Variants in RNF138 observed in about 807,000 individuals in gnomAD.
RNF138 encodes E3 ubiquitin-protein ligase RNF138.
In RNF138, 12 loss-of-function variants were observed where a neutral mutation model predicts 31.0. That is an observed-to-expected ratio of 0.39 (90% confidence interval 0.25 to 0.63). The LOEUF (loss-of-function observed/expected upper bound fraction) is 0.63. Among genes scored for constraint, RNF138 ranks in the 20% least tolerant of loss-of-function variants. RNF138 has a pLI of 0.52. For missense variants in RNF138, 192 were observed against 300.1 expected (o/e 0.64, Z 2.66); for synonymous variants, 105 against 99.5 (o/e 1.06, Z -0.33).
In RNF138 at chr18:32,092,748, G is replaced by A. The variant is rs1258028907; in HGVS notation, c.-29G>A. ...CGTCACCTCGGCCGCTGCCGCTGTC[G>A]CCATCGCCTTGTTTCCCCATCCCCC... On this transcript the variant is annotated 5_prime_UTR_variant, in exon 2 of 8. Transcript: ENST00000261593. The A allele has an allele frequency of 6.9e-7, 1 of 1,446,196 alleles. No individual in the cohort carries two copies. Among genetic ancestry groups the A allele is most frequent in the Non-Finnish European group, 9.4e-7 (1 of 1,060,002 alleles). The allele number at this position is 1,446,196 out of a possible 1,614,324, so 89.6% of individuals were successfully genotyped here.
At chr18:32,125,763 C>G (rs1324571843) in intron 6 of RNF138, among the ~76,000 whole-genome samples, 1 of 151,492 alleles carries the variant, frequency 6.6e-6, no homozygotes, top group East Asian at 2.0e-4. Context: ...GAGACCCTGT[C>G]TATTTAAAAA....
chr18:32,123,500 TC>T lies in RNF138; in HGVS notation c.393-14del. On this transcript the variant is annotated splice_polypyrimidine_tract_variant and intron_variant, in intron 4 of 7. Transcript: ENST00000261593. ...TCATTACTTTGAGGTATTAACTTTT[TC>T]CCCTGTGCTTCTTAAGCAATAGGAG... The T allele has an allele frequency of 6.5e-7, 1 of 1,534,948 alleles. No individual in the cohort carries two copies. Among genetic ancestry groups the T allele is most frequent in the African/African-American group, 1.4e-5 (1 of 71,110 alleles).
At chr18:32,100,797 G>A (rs2039923501) in intron 2 of RNF138, among the ~76,000 whole-genome samples, 1 of 152,126 alleles carries the variant, frequency 6.6e-6, no homozygotes, top group Non-Finnish European at 1.5e-5. Flanking sequence ...TATAGACTGG[G>A]TTTCACCATG....
At chr18:32,123,460 A>ACGTT in intron 4 of RNF138, 58 bp from the exon 5 acceptor site, 1 of 1,066,526 alleles carries the variant, frequency 9.4e-7, no homozygotes, top group Non-Finnish European at 1.4e-6. Context: ...AAGATAATGA[A>ACGTT]CCTTTAGTGT....
At chr18:32,101,958 C>T (rs1418990179) in intron 2 of RNF138, among the ~76,000 whole-genome samples, 1 of 151,672 alleles carries the variant, frequency 6.6e-6, no homozygotes, top group Non-Finnish European at 1.5e-5. Context: ...CTTACTGCAG[C>T]CTCAACCTCC....
chr18:32,130,990 AATAT>A lies in RNF138; in HGVS notation c.*1804_*1807del, dbSNP rs1360340670. 4.4e-5 allele frequency: 4 copies of A among 90,930 alleles called. No homozygotes were observed. The highest frequency in any genetic ancestry group is 1.7e-4 in the African/African-American group (4 of 24,124). 5.6% of individuals were successfully genotyped at this position (90,930 alleles called of 1,614,324 possible). ...GTTTCTTTCAAAGTTTAATACATCC[AATAT>A]GTCAAGTTAAACCATTCTGGGATTT... On this transcript the variant is annotated 3_prime_UTR_variant, in exon 8 of 8. Coordinates refer to ENST00000261593, the MANE Select transcript of RNF138 (RefSeq NM_016271.5).
chr18:32,114,124 A>G (rs747949981), intron 4 of RNF138, among the ~76,000 whole-genome samples: 9 of 152,146 alleles, frequency 5.9e-5, no homozygotes, highest in Non-Finnish European at 1.0e-4. Context: ...TTGAGTAAAA[A>G]ATAAGTTGGA....
intron 4 of RNF138, among the ~76,000 whole-genome samples, chr18:32,114,850 C>T (rs1305035170): frequency 1.3e-5 from 2 of 151,992 alleles, no homozygotes; most frequent in East Asian, 1.9e-4. Flanking sequence ...CTACATTAGG[C>T]GTCTTCCCTA....
At chr18:32,103,550 A>T (rs1268306859) in intron 2 of RNF138, among the ~76,000 whole-genome samples, 3 of 152,176 alleles carry the variant, frequency 2.0e-5, no homozygotes, top group Non-Finnish European at 4.4e-5. Flanking sequence ...ACCAAGAAAA[A>T]AAAAAGGTTT....
At chr18:32,094,725 G>A (rs753618697) in intron 2 of RNF138, among the ~76,000 whole-genome samples, 2 of 152,140 alleles carry the variant, frequency 1.3e-5, no homozygotes, top group Non-Finnish European at 2.9e-5. Flanking sequence ...TTGGCATTGG[G>A]TAGATAAAAG....
chr18:32,092,787 A>C lies in RNF138; in HGVS notation c.11A>C (p.Asp4Ala), dbSNP rs1341861985. 1 of 1,583,660 alleles carries C rather than the reference A, an allele frequency of 6.3e-7. No individual in the cohort carries two copies. Among genetic ancestry groups the C allele is most frequent in the South Asian group, 1.2e-5 (1 of 86,940 alleles). Residue 4 changes from aspartate (D) to alanine (A), a missense_variant, in exon 2 of 8, where the codon GAC becomes GCC. By Grantham distance (126) the Asp-to-Ala change is moderately radical (BLOSUM62 -2). This residue lies in a region of RNF138 where 52 missense variants were observed against 48.4 expected (regional missense o/e 1.07). Transcript: ENST00000261593. MAE[D>A]LSAATSYTED... ...TCCCCATCCCCCGCCATGGCCGAGG[A>C]CCTCTCTGCGGCCACGTCCTACACC...
At chr18:32,118,131 C>T (rs1485945017) in intron 4 of RNF138, among the ~76,000 whole-genome samples, 2 of 152,208 alleles carry the variant, frequency 1.3e-5, no homozygotes, top group East Asian at 1.9e-4. Flanking sequence ...ATAAATTTCT[C>T]TCCAGATTGT....
chr18:32,121,366 A>ATGCC (rs982281522), intron 4 of RNF138, among the ~76,000 whole-genome samples: 2 of 150,804 alleles, frequency 1.3e-5, no homozygotes, highest in Non-Finnish European at 3.0e-5. Flanking sequence ...GTGGTGGTAC[A>ATGCC]TGCCGGTAAT....
chr18:32,107,320 C>T (rs1164357205), intron 2 of RNF138, among the ~76,000 whole-genome samples: 1 of 135,094 alleles, frequency 7.4e-6, no homozygotes, highest in Non-Finnish European at 1.6e-5. Flanking sequence ...GACGGCATTC[C>T]ACTGTGTTGC....
intron 2 of RNF138, among the ~76,000 whole-genome samples, chr18:32,095,275 C>A (rs1195411647): frequency 2.0e-5 from 3 of 151,982 alleles, no homozygotes; most frequent in Non-Finnish European, 2.9e-5. Context: ...GTTGGAGCAA[C>A]CCTCCCGCCT....
intron 2 of RNF138, among the ~76,000 whole-genome samples, chr18:32,099,238 CTT>C (rs1245902849): frequency 6.6e-6 from 1 of 152,146 alleles, no homozygotes; most frequent in East Asian, 1.9e-4. Flanking sequence ...TGATTTGTAC[CTT>C]TTTCCTTCCT....
chr18:32,095,510 T>C (rs2039789319), intron 2 of RNF138, among the ~76,000 whole-genome samples: 1 of 152,210 alleles, frequency 6.6e-6, no homozygotes, highest in Admixed American at 6.5e-5. Flanking sequence ...TCATTTGCTC[T>C]ACCTTCTTCA....
At chr18:32,122,843 A>C (rs2040327727) in intron 4 of RNF138, among the ~76,000 whole-genome samples, 1 of 152,126 alleles carries the variant, frequency 6.6e-6, no homozygotes, top group Admixed American at 6.6e-5. Context: ...CTAACTAACT[A>C]AATAAATAAA....
At position 32,092,631 on chromosome 18, in the gene RNF138, G is replaced by C. The variant is rs2039715834; in HGVS notation, c.-77-69G>C. 44 of 635,792 alleles carry C rather than the reference G, an allele frequency of 6.9e-5. 1 individual carries two copies. The East Asian group carries it at 1.3e-3, about 19-fold the overall frequency. The allele number at this position is 635,792 out of a possible 1,614,324, so 39.4% of individuals were successfully genotyped here. ...CTGCGTTCGGCCCCGCCCTACCCAG[G>C]GCCCCGCCCCCTTCCTGGCGCGCGC... On this transcript the variant is annotated intron_variant, in intron 1 of 7. Transcript: ENST00000261593.
Sources: allele counts gnomAD v4.1 joint callset (sites outside exome capture counted in the v4.1 genomes callset), GRCh38; gene constraint gnomAD v4.1.1; regional missense constraint gnomAD v4.1.1; transcripts MANE v1.5; gene names NCBI Gene and HGNC (gene_info 2026-07-23, HGNC 2026-07-21).